The following OTOF variants were observed in gnomAD, a reference collection of about 807,000 sequenced individuals.
OTOF encodes the protein otoferlin.
In OTOF, 218 loss-of-function variants were observed where a neutral mutation model predicts 236.8. The observed-to-expected ratio is 0.92, with a 90% CI of 0.82 to 1.03. The LOEUF is 1.03. Among genes scored for constraint, OTOF ranks in the 50% least tolerant of loss-of-function variants. The pLI is 0.00. For synonymous variants in OTOF, 1,041 were observed against 1,072.5 expected, an observed-to-expected ratio of 0.97 and a Z score of 0.57; for missense variants, 2,590 against 2,694.4, an observed-to-expected ratio of 0.96 and a Z score of 0.86.
At chr2:26,549,300 C>T (rs1168720247) in intron 1 of OTOF, among the ~76,000 whole-genome samples, 1 of 152,192 alleles carries the variant, frequency 6.6e-6, no homozygotes, top group Non-Finnish European at 1.5e-5. Flanking sequence ...TTGCCCATAT[C>T]TCTTGTAATA....
At chr2:26,467,767 G>A (rs1157143347) in intron 33 of OTOF, among the ~76,000 whole-genome samples, 1 of 152,140 alleles carries the variant, frequency 6.6e-6, no homozygotes, top group Non-Finnish European at 1.5e-5. Flanking sequence ...TGGGGGTGGA[G>A]GCCTGTTGCT....
At chr2:26,551,978 G>A (rs1031707860) in intron 1 of OTOF, among the ~76,000 whole-genome samples, 6 of 151,666 alleles carry the variant, frequency 4.0e-5, no homozygotes, top group African/African-American at 9.7e-5. Flanking sequence ...TGCAAATGAA[G>A]CAAGATTGGC....
chr2:26,480,324 A>G lies in OTOF; in HGVS notation c.1804-13T>C. The G allele has an allele frequency of 2.0e-6, 3 of 1,517,046 alleles. No individual in the cohort carries two copies. The allele number at this position is 1,517,046 out of a possible 1,614,324, so 94.0% of individuals were successfully genotyped here. ...TACCTGCACAGCTCTGTGGGGAGGCAGTTCAAAGCGTTCCTGAGCTTGAGT... is the reference window on the plus strand; with the variant it reads ...TACCTGCACAGCTCTGTGGGGAGGCGGTTCAAAGCGTTCCTGAGCTTGAGT... On this transcript the variant is annotated splice_polypyrimidine_tract_variant and intron_variant, in intron 15 of 46. Coordinates refer to ENST00000272371, the MANE Select transcript of OTOF (RefSeq NM_194248.3).
At chr2:26,478,355 A>G (rs759698131) in intron 18 of OTOF, among the ~76,000 whole-genome samples, 13 of 152,218 alleles carry the variant, frequency 8.5e-5, no homozygotes, top group Non-Finnish European at 1.6e-4. Flanking sequence ...CAAGGAGGAC[A>G]TTGGCAGGGG....
At position 26,460,294 on chromosome 2, in the gene OTOF, G is replaced by T. The variant is rs1664401624; in HGVS notation, c.5814-89C>A. ...AGGGGCCAAGACCAAGAGGGAAGCT[G>T]TCCTGGGCTGTGTGTGCAGTTCTAG... On this transcript the variant is annotated intron_variant, in intron 45 of 46. Coordinates refer to ENST00000272371, the MANE Select transcript of OTOF (RefSeq NM_194248.3). This position sits in a 1 kb window ranked among gnomAD's most constrained non-coding sequence, Gnocchi z 5.3. 9.2e-7 allele frequency: 1 copy of T among 1,091,940 alleles called. No homozygotes were observed. The highest frequency in any genetic ancestry group is 1.4e-6 in the Non-Finnish European group (1 of 732,306). 67.6% of individuals were successfully genotyped at this position (1,091,940 alleles called of 1,614,324 possible).
rs144915302 is a variant in OTOF, at chr2:26,527,902, C to A, written c.157G>T (p.Ala53Ser). The change falls in exon 3 of 47, where the codon GCC becomes TCC. Residue 53 changes from alanine (A) to serine (S), a missense_variant. Ala to Ser is a moderately conservative substitution (Grantham distance 99). This residue lies in a region of OTOF where 1,379 missense variants were observed against 1,341.6 expected (regional missense o/e 1.03). Transcript: ENST00000272371. ...ATCTCATTTCTGTCGATGCTGCTGGCCACCGGCCACCGAAATGTCTGGGGA... is the reference window on the plus strand; with the variant it reads ...ATCTCATTTCTGTCGATGCTGCTGGACACCGGCCACCGAAATGTCTGGGGA... Reference protein sequence around the residue: ...DFDETFRWPVASSIDRNEMLE... With the variant: ...DFDETFRWPVSSSIDRNEMLE... 1.9e-6 allele frequency: 3 copies of A among 1,613,956 alleles called. No individual in the cohort carries two copies. In the Admixed American group the frequency reaches 5.0e-5, roughly 27 times the overall value.
intron 5 of OTOF, 66 bp downstream of exon 5, chr2:26,516,352 C>G: frequency 1.4e-6 from 2 of 1,460,846 alleles, no homozygotes; most frequent in Non-Finnish European, 1.9e-6. Context: ...GTCAGTAGGA[C>G]CAGGCCCCAG....
chr2:26,476,068 G>A, intron 23 of OTOF, 30 bp from the exon 24 acceptor site: 1 of 1,612,218 alleles, frequency 6.2e-7, no homozygotes, highest in Non-Finnish European at 8.5e-7. Context: ...GAGGTTCCAG[G>A]ATGGGCAGCC....
At chr2:26,483,357 C>T (rs1665615083) in intron 13 of OTOF, 105 bp downstream of exon 13, 2 of 1,071,086 alleles carry the variant, frequency 1.9e-6, no homozygotes, top group African/African-American at 1.6e-5. Context: ...ACATGATTTC[C>T]AGCCTTGTCT....
rs781416252 is a variant in OTOF, at chr2:26,494,919, C to G, written c.897+23G>C. 5 of 1,613,948 alleles carry G rather than the reference C, an allele frequency of 3.1e-6. No individual in the cohort carries two copies. In the African/African-American group the frequency reaches 6.7e-5, roughly 22 times the overall value. ...CCCTCCTGCCATATTTACAGAGGCTCCTTTCCCCACAGGGCCACTGACCTC... is the reference window on the plus strand; with the variant it reads ...CCCTCCTGCCATATTTACAGAGGCTGCTTTCCCCACAGGGCCACTGACCTC... On this transcript the variant is annotated intron_variant, in intron 9 of 46. Transcript: ENST00000272371.
At chr2:26,467,037 G>A in intron 35 of OTOF, 62 bp downstream of exon 35, 1 of 1,550,576 alleles carries the variant, frequency 6.4e-7, no homozygotes, top group South Asian at 1.1e-5. Context: ...GTGAGTGGGG[G>A]AACCTGTGGG....
At chr2:26,480,410 T>C (rs1665500516) in intron 15 of OTOF, 99 bp from the exon 16 acceptor site, 1 of 789,490 alleles carries the variant, frequency 1.3e-6, no homozygotes, top group Non-Finnish European at 2.2e-6. Context: ...TGGGGGTGGA[T>C]GGTGGGGGCA....
In OTOF at chr2:26,477,812, C is replaced by T. The variant is rs1558486527; in HGVS notation, c.2215-63G>A. The T allele has an allele frequency of 1.3e-6, 2 of 1,598,664 alleles. No homozygotes were observed. The highest frequency in any genetic ancestry group is 1.7e-6 in the Non-Finnish European group (2 of 1,173,020). ...CCCGCCTCCCCAGCCTCCCCAAATG[C>T]CTCCTCCCTGTTGATCAGGGGAGTG... On this transcript the variant is annotated intron_variant, in intron 18 of 46. Coordinates refer to ENST00000272371, the MANE Select transcript of OTOF (RefSeq NM_194248.3). This position sits in a 1 kb window ranked among gnomAD's most constrained non-coding sequence, Gnocchi z 4.7.
chr2:26,538,390 A>C (rs947846157), intron 1 of OTOF, among the ~76,000 whole-genome samples: 1 of 152,242 alleles, frequency 6.6e-6, no homozygotes, highest in Non-Finnish European at 1.5e-5. Context: ...AGTCTCTGGC[A>C]GTTCCCTCCC....
chr2:26,484,398 C>G, intron 12 of OTOF, 76 bp downstream of exon 12: 1 of 1,536,030 alleles, frequency 6.5e-7, no homozygotes, highest in South Asian at 1.1e-5. Context: ...GTGCTCTCAG[C>G]AAACCCTCAC....
intron 2 of OTOF, among the ~76,000 whole-genome samples, chr2:26,532,898 G>A (rs866363431): frequency 1.3e-5 from 2 of 152,190 alleles, no homozygotes; most frequent in South Asian, 2.1e-4. Context: ...TCCTAAATCA[G>A]CAAGGTAGCA....
intron 6 of OTOF, 95 bp from the exon 7 acceptor site, chr2:26,502,521 A>C: frequency 7.4e-7 from 1 of 1,345,290 alleles, no homozygotes; most frequent in Non-Finnish European, 1.0e-6. Context: ...CTGAGAGTTA[A>C]ATTCGAGGTT....
chr2:26,470,544 G>A lies in OTOF; in HGVS notation c.4023+49C>T, dbSNP rs777474378. ...CGTGGGAAAGAAGCTGGACAGGAGG[G>A]TCTGAGTGTGGAGGGGGTCACCTCC... On this transcript the variant is annotated intron_variant, in intron 32 of 46. Transcript: ENST00000272371. The surrounding 1 kb of genome is among the most constrained non-coding windows in gnomAD (Gnocchi z 4.3). 1.9e-6 allele frequency: 3 copies of A among 1,579,788 alleles called. No homozygotes were observed. Among genetic ancestry groups the A allele is most frequent in the Non-Finnish European group, 2.6e-6 (3 of 1,149,020 alleles).
chr2:26,490,315 A>C (rs1039819536), intron 9 of OTOF, among the ~76,000 whole-genome samples: 1 of 152,232 alleles, frequency 6.6e-6, no homozygotes, highest in African/African-American at 2.4e-5. Context: ...CACATCCCAA[A>C]TTCAGAGAGG....
Sources: allele counts gnomAD v4.1 joint callset (sites outside exome capture counted in the v4.1 genomes callset), GRCh38; gene constraint gnomAD v4.1.1; regional missense constraint gnomAD v4.1.1; non-coding constraint Gnocchi (gnomAD v3.1); transcripts MANE v1.5; gene names NCBI Gene and HGNC (gene_info 2026-07-23, HGNC 2026-07-21).